DOCK6: variants seen among roughly 807,000 people sequenced by gnomAD.
The protein encoded by DOCK6 is dedicator of cytokinesis 6, also known as dedicator of cytokinesis protein 6.
In DOCK6, 167 loss-of-function variants were observed where a neutral mutation model predicts 230.3. That is an observed-to-expected ratio of 0.73 (90% CI 0.64 to 0.82). DOCK6 has a LOEUF of 0.82. DOCK6 is among the 40% of genes least tolerant of loss of function. The probability of loss-of-function intolerance (pLI) is 0.00; values close to 1 mark genes in which losing one functional copy is unlikely to be tolerated. For missense variants in DOCK6, 2,598 were observed against 2,825.8 expected (o/e 0.92, Z 1.83); for synonymous variants, 1,148 against 1,185.0 (o/e 0.97, Z 0.64).
rs2079192800 is a variant in DOCK6, at chr19:11,202,775, A to G, written c.5236-66T>C. 2 of 1,604,650 alleles carry G rather than the reference A, an allele frequency of 1.2e-6. No individual in the cohort carries two copies. Among genetic ancestry groups the G allele is most frequent in the Non-Finnish European group, 1.7e-6 (2 of 1,179,428 alleles). ...TGCTGGAGGTCTCCCTGCCCCAGAG[A>G]TAGGTGTCTCGAATATCAGGATGGG... On this transcript the variant is annotated intron_variant, in intron 41 of 47. Coordinates refer to ENST00000294618, the MANE Select transcript of DOCK6 (RefSeq NM_020812.4). The surrounding 1 kb of genome is among the most constrained non-coding windows in gnomAD (Gnocchi z 5.3).
Position 11,245,425 on chromosome 19 carries a change from G to C in DOCK6, c.1023+138C>G, listed in dbSNP as rs1007663130. The C allele has an allele frequency of 2.4e-5, 23 of 948,262 alleles. No individual in the cohort carries two copies. The African/African-American group carries it at 3.3e-4, about 13-fold the overall frequency. 58.7% of individuals were successfully genotyped at this position (948,262 alleles called of 1,614,324 possible). ...TCTCCCCACCTGAGTTGGATCAGGG[G>C]CCTCCTCCCTGCCTGTGTTTCCCCC... On this transcript the variant is annotated intron_variant, in intron 9 of 47. Transcript: ENST00000294618.
rs747718054 is a variant in DOCK6 at position 11,238,176 on chromosome 19, C to T, written c.1761+11G>A. 5.0e-6 allele frequency: 8 copies of T among 1,613,614 alleles called. No homozygotes were observed. In the East Asian group the frequency reaches 8.9e-5, roughly 18 times the overall value. ...TGCCCTACCCCCCTTCCCTGGGGCA[C>T]AGCCACTGACCGGCAGAGCCTGGCT... On this transcript the variant is annotated intron_variant, in intron 15 of 47. Coordinates refer to ENST00000294618, the MANE Select transcript of DOCK6 (RefSeq NM_020812.4).
At position 11,200,577 on chromosome 19, in the gene DOCK6, C is replaced by G; in HGVS notation, c.5940-108G>C. On this transcript the variant is annotated intron_variant, in intron 46 of 47. Transcript: ENST00000294618. The surrounding 1 kb of genome is among the most constrained non-coding windows in gnomAD (Gnocchi z 4.3). ...GGGACCAGGCCTGCAGAAAGACCCGCAATAGGAGGTCAGGTTGGGAGAGTG... is the reference window on the plus strand; with the variant it reads ...GGGACCAGGCCTGCAGAAAGACCCGGAATAGGAGGTCAGGTTGGGAGAGTG... The G allele has an allele frequency of 6.6e-7, 1 of 1,521,722 alleles. No homozygotes were observed. The allele number at this position is 1,521,722 out of a possible 1,614,324, so 94.3% of individuals were successfully genotyped here. A position where few individuals can be genotyped will look rare whatever the true frequency, so the allele number is the denominator to read the frequency against.
intron 2 of DOCK6, 101 bp downstream of exon 2, chr19:11,253,538 G>T: frequency 1.3e-6 from 1 of 761,082 alleles, no homozygotes; most frequent in Non-Finnish European, 1.9e-6. Context: ...CCCAGGACAG[G>T]CCACAGGAGG....
intron 41 of DOCK6, chr19:11,203,823 G>T: frequency 3.4e-6 from 2 of 584,138 alleles, no homozygotes; most frequent in Non-Finnish European, 6.1e-6. Context: ...GACCAAGCTG[G>T]CCCTGGCAGA....
At position 11,243,644 on chromosome 19, in the gene DOCK6, G is replaced by A. The variant is rs1160791055; in HGVS notation, c.1171C>T (p.Arg391Cys). ...EQFCTRLGRY[R>C]MPFAWTAVHL... ...ACGGCCGTCCAGGCGAAGGGCATGC[G>A]GTAGCGGCCCAGGCGGGTGCAGAAC... Residue 391 changes from arginine to cysteine, a missense_variant, in exon 11 of 48, where the codon CGC (arginine) becomes TGC (cysteine). Physicochemically the swap from Arg to Cys is radical, Grantham distance 180. Coordinates refer to ENST00000294618, the MANE Select transcript of DOCK6 (RefSeq NM_020812.4). The surrounding 1 kb of genome is among the most constrained non-coding windows in gnomAD (Gnocchi z 6.3). 6.2e-7 allele frequency: 1 copy of A among 1,612,800 alleles called. No individual in the cohort carries two copies. The highest frequency in any genetic ancestry group is 1.7e-5 in the Admixed American group (1 of 59,964).
rs781074293 is a variant in DOCK6, at chr19:11,200,396, G to A, written c.6013C>T (p.Arg2005Cys). The A allele has an allele frequency of 6.2e-6, 10 of 1,607,544 alleles. No individual in the cohort carries two copies. Among genetic ancestry groups the A allele is most frequent in the Middle Eastern group, 3.3e-4 (2 of 6,048 alleles). The stretch of plus-strand genomic sequence containing the variant: ...GCCTCCCGCAGGCGGCAGTAGTTGC[G>A]CTCCAGCTCACGGTGGTACTCCTTC... ...DQKEYHRELERNYCRLREALQ... is the reference protein window; with the variant it reads ...DQKEYHRELECNYCRLREALQ... The change falls in exon 47 of 48, where the codon CGC (arginine) becomes TGC (cysteine). Residue 2005 changes from arginine to cysteine, a missense_variant. By Grantham distance (180) the Arg-to-Cys change is radical. Transcript: ENST00000294618. The surrounding 1 kb of genome is among the most constrained non-coding windows in gnomAD (Gnocchi z 4.3).
In DOCK6 at chr19:11,227,415, G is replaced by A. The variant is rs532754000; in HGVS notation, c.2877C>T (p.Arg959=). ...GQRLDTPRKL[R]FPGRFLDDIT... ...TGTCGTCCAGGAAGCGTCCGGGGAA[G>A]CGCAGCTTGCGGGGTGTGTCTAGTC... is the stretch of plus-strand genomic sequence containing the variant. Residue 959 remains arginine, a synonymous_variant, in exon 24 of 48, where the codon CGC becomes CGT. Coordinates refer to ENST00000294618, the MANE Select transcript of DOCK6 (RefSeq NM_020812.4). 2 of 1,613,268 alleles carry A rather than the reference G, an allele frequency of 1.2e-6. No individual in the cohort carries two copies. The highest frequency in any genetic ancestry group is 2.2e-5 in the South Asian group (2 of 90,990).
At chr19:11,250,841 C>T in intron 6 of DOCK6, 33 bp downstream of exon 6, 1 of 1,584,660 alleles carries the variant, frequency 6.3e-7, no homozygotes. Flanking sequence ...CCAGTAAATG[C>T]TGGTTGGCTG....
intron 1 of DOCK6, among the ~76,000 whole-genome samples, chr19:11,254,705 G>A (rs1456119060): frequency 6.6e-6 from 1 of 152,036 alleles, no homozygotes; most frequent in Non-Finnish European, 1.5e-5. Flanking sequence ...AATCAGGGAG[G>A]ATGGGGGTAA....
intron 22 of DOCK6, among the ~76,000 whole-genome samples, chr19:11,231,769 G>A (rs540401547): frequency 1.4e-4 from 21 of 152,294 alleles, no homozygotes; most frequent in African/African-American, 4.8e-4. Context: ...CAGGTACCTG[G>A]AAAGAGGCAG....
rs764210864 is a variant in DOCK6 at position 11,222,940 on chromosome 19, A to G, written c.3070-35T>C. The G allele has an allele frequency of 1.9e-6, 3 of 1,612,846 alleles. No individual in the cohort carries two copies. The highest frequency in any genetic ancestry group is 1.6e-4 in the Middle Eastern group (1 of 6,084). ...AGGGGTGGCCATCAGTGATGTCAAC[A>G]TTGCTCCGCCTTCCATCCATGCCAT... On this transcript the variant is annotated intron_variant, in intron 25 of 47. Coordinates refer to ENST00000294618, the MANE Select transcript of DOCK6 (RefSeq NM_020812.4). The surrounding 1 kb of genome is among the most constrained non-coding windows in gnomAD (Gnocchi z 4.0).
At chr19:11,209,739 T>C (rs1378822019) in intron 37 of DOCK6, among the ~76,000 whole-genome samples, 2 of 67,854 alleles carry the variant, frequency 2.9e-5, no homozygotes, top group Non-Finnish European at 3.2e-5. Context: ...CCCTCACCTG[T>C]CCACCCCCTC....
In DOCK6 at chr19:11,227,343, G is replaced by T. The variant is rs544139438; in HGVS notation, c.2949C>A (p.Val983=). The change falls in exon 24 of 48, where the codon GTC becomes GTA. Residue 983 remains valine, a synonymous_variant. Coordinates refer to ENST00000294618, the MANE Select transcript of DOCK6 (RefSeq NM_020812.4). The stretch of plus-strand genomic sequence containing the variant: ...GAGACCCTGCATCTCTCACCTTGTG[G>T]ACACGGGTGATGACCTCCAGGCCCA... ...GSVGLEVITR[V]HKDVELAEHL... is the part of the protein sequence containing the mutation. 1 of 1,613,856 alleles carries T rather than the reference G, an allele frequency of 6.2e-7. No individual in the cohort carries two copies. Among genetic ancestry groups the T allele is most frequent in the Admixed American group, 1.7e-5 (1 of 60,020 alleles).
chr19:11,217,006 G>C lies in DOCK6; in HGVS notation c.3802C>G (p.Leu1268Val). 6.2e-7 allele frequency: 1 copy of C among 1,613,646 alleles called. No homozygotes were observed. Among genetic ancestry groups the C allele is most frequent in the Non-Finnish European group, 8.5e-7 (1 of 1,179,894 alleles). The change falls in exon 30 of 48, where the codon CTC (leucine) becomes GTC (valine). Residue 1268 changes from leucine (L) to valine (V), a missense_variant. Leu to Val is a conservative substitution (Grantham distance 32). Coordinates refer to ENST00000294618, the MANE Select transcript of DOCK6 (RefSeq NM_020812.4). ...AGGTCAGTGGCCCAGCGCTGCAGGA[G>C]CGCCGGCTCGGTGTTTTTCAGCACC... ...LWVLKNTEPALLQRWATDLTL... is the reference protein window; with the variant it reads ...LWVLKNTEPAVLQRWATDLTL...
intron 7 of DOCK6, chr19:11,247,290 T>C (rs1161683622): frequency 6.6e-6 from 1 of 152,148 alleles, no homozygotes; most frequent in Non-Finnish European, 1.5e-5. Flanking sequence ...GATGGTGTTT[T>C]GCCATGTTGG....
chr19:11,213,302 G>A lies in DOCK6; in HGVS notation c.4365C>T (p.Asp1455=), dbSNP rs888507311. Reference sequence around the variant, plus strand: ...GGCACAGGTCGGCACACAGCTCCGTGTCCTCCTCGAACAGCAGCTCCGGGA... The same window carrying A: ...GGCACAGGTCGGCACACAGCTCCGTATCCTCCTCGAACAGCAGCTCCGGGA... ...SKFPELLFEE[D]TELCADLCLR... Residue 1455 remains aspartate (D), a synonymous_variant, in exon 35 of 48, where the codon GAC becomes GAT. Transcript: ENST00000294618. 1.2e-6 allele frequency: 2 copies of A among 1,612,278 alleles called. No individual in the cohort carries two copies. Among genetic ancestry groups the A allele is most frequent in the South Asian group, 1.1e-5 (1 of 91,002 alleles).
At position 11,238,341 on chromosome 19, in the gene DOCK6, G is replaced by A. The variant is rs145201527; in HGVS notation, c.1644-37C>T. 5.8e-6 allele frequency: 9 copies of A among 1,551,330 alleles called. No individual in the cohort carries two copies. The African/African-American group carries it at 8.1e-5, about 14-fold the overall frequency. On this transcript the variant is annotated intron_variant, in intron 14 of 47. Coordinates refer to ENST00000294618, the MANE Select transcript of DOCK6 (RefSeq NM_020812.4). ...AGGATGGGGGTGTCAGAGGGACAGG[G>A]GCCCTGAAGGTGCACATACAAGGCT...
rs182453757 is a variant in DOCK6 at position 11,229,139 on chromosome 19, T to C, written c.2719-104A>G. 7 of 1,290,774 alleles carry C rather than the reference T, an allele frequency of 5.4e-6. No individual in the cohort carries two copies. In the East Asian group the frequency reaches 1.5e-4, roughly 28 times the overall value. 80.0% of individuals were successfully genotyped at this position (1,290,774 alleles called of 1,614,324 possible). On this transcript the variant is annotated intron_variant, in intron 22 of 47. Coordinates refer to ENST00000294618, the MANE Select transcript of DOCK6 (RefSeq NM_020812.4). ...ATGCAGCTGGAGGGCTCGGGGTTAGTGCAGCAGGAGCCAGGCAGGAGGAGG... is the reference window on the plus strand; with the variant it reads ...ATGCAGCTGGAGGGCTCGGGGTTAGCGCAGCAGGAGCCAGGCAGGAGGAGG...
Sources: allele counts gnomAD v4.1 joint callset (sites outside exome capture counted in the v4.1 genomes callset), GRCh38; gene constraint gnomAD v4.1.1; non-coding constraint Gnocchi (gnomAD v3.1); transcripts MANE v1.5; gene names NCBI Gene and HGNC (gene_info 2026-07-23, HGNC 2026-07-21).